LINGO2: variants seen among roughly 807,000 people sequenced by gnomAD.
The protein encoded by LINGO2 is leucine rich repeat and Ig domain containing 2.
In LINGO2, 14 loss-of-function variants were observed where a neutral mutation model predicts 30.6. The observed-to-expected ratio is 0.46, with a 90% CI of 0.30 to 0.72. The LOEUF is 0.72. Ranked by LOEUF, LINGO2 falls within the 30% of genes least tolerant of loss-of-function variation. The pLI, the probability that LINGO2 is intolerant of heterozygous loss-of-function variation, is 0.07. For missense variants in LINGO2, 729 were observed against 751.7 expected, an observed-to-expected ratio of 0.97 and a Z score of 0.35; for synonymous variants, 317 against 288.5, an observed-to-expected ratio of 1.10 and a Z score of -1.00.
chr9:29,013,405 G>C, the LINGO2 span, among the ~76,000 whole-genome samples: 77 of 151,144 alleles, frequency 5.1e-4, no homozygotes, highest in African/African-American at 1.8e-3. Flanking sequence ...TTTTTTCATG[G>C]CTCACTTTAT....
At chr9:28,548,136 A>C (rs1008319307) in intron 1 of LINGO2, among the ~76,000 whole-genome samples, 1 of 152,228 alleles carries the variant, frequency 6.6e-6, no homozygotes, top group Middle Eastern at 3.4e-3. Context: ...AACCGTAATA[A>C]GCCTGCCAGA....
chr9:28,175,500 T>C (rs1401111465), intron 4 of LINGO2, among the ~76,000 whole-genome samples: 4 of 152,162 alleles, frequency 2.6e-5, no homozygotes, highest in South Asian at 2.1e-4. Flanking sequence ...GACAATTGAA[T>C]ACAACATCCT....
intron 2 of LINGO2, among the ~76,000 whole-genome samples, chr9:28,419,646 A>G (rs747860121): frequency 2.6e-5 from 4 of 152,026 alleles, no homozygotes; most frequent in Non-Finnish European, 4.4e-5. Context: ...TCTATTTTAC[A>G]GTTCTGAAAT....
chr9:28,889,082 TCAAA>T, the LINGO2 span: 1 of 366,016 alleles, frequency 2.7e-6, no homozygotes, highest in Non-Finnish European at 5.5e-6. Context: ...GTGATTCTTT[TCAAA>T]CAGTTTTGTG....
intron 1 of LINGO2, among the ~76,000 whole-genome samples, chr9:28,486,041 C>G (rs558103604): frequency 6.6e-6 from 1 of 152,080 alleles, no homozygotes; most frequent in African/African-American, 2.4e-5. Flanking sequence ...GAATGACTAA[C>G]TTTTTGGTAG....
At chr9:29,200,532 T>C in the LINGO2 span, among the ~76,000 whole-genome samples, 1 of 152,134 alleles carries the variant, frequency 6.6e-6, no homozygotes, top group East Asian at 1.9e-4. Context: ...TATGTTTTAA[T>C]TTTAAAAAGA....
the LINGO2 span, among the ~76,000 whole-genome samples, chr9:29,009,287 A>G: frequency 6.6e-5 from 10 of 152,194 alleles, no homozygotes; most frequent in African/African-American, 2.4e-4. Flanking sequence ...AGAGAACCCC[A>G]TTGTCTCAGC....
intron 4 of LINGO2, among the ~76,000 whole-genome samples, 186 bp downstream of exon 6, chr9:28,295,022 A>C (rs1470318789): frequency 6.6e-6 from 1 of 152,144 alleles, no homozygotes; most frequent in Non-Finnish European, 1.5e-5. Flanking sequence ...TCTCCTCTTG[A>C]GAGTAAAGGG....
chr9:29,048,320 C>CA, the LINGO2 span, among the ~76,000 whole-genome samples: 25,145 of 148,606 alleles, frequency 0.17, 2,228 homozygotes, highest in East Asian at 0.34. Flanking sequence ...AAGAGGACAC[C>CA]AAAAAAAAGA....
intron 4 of LINGO2, among the ~76,000 whole-genome samples, chr9:28,030,278 TGA>T (rs1465421756): frequency 6.6e-6 from 1 of 152,208 alleles, no homozygotes; most frequent in Non-Finnish European, 1.5e-5. Flanking sequence ...TCTGAGATTC[TGA>T]GATAGCAAAG....
At chr9:29,200,495 A>T in the LINGO2 span, among the ~76,000 whole-genome samples, 1 of 152,112 alleles carries the variant, frequency 6.6e-6, no homozygotes, top group Admixed American at 6.6e-5. Context: ...AAATGAGTAA[A>T]ATATTGTTTG....
chr9:28,784,960 A>T, the LINGO2 span, among the ~76,000 whole-genome samples: 1 of 151,088 alleles, frequency 6.6e-6, no homozygotes, highest in Non-Finnish European at 1.5e-5. Context: ...AAAAAAAAAA[A>T]AGAATTGCAA....
chr9:28,576,761 T>A (rs7031710), intron 1 of LINGO2, among the ~76,000 whole-genome samples: 1 of 151,892 alleles, frequency 6.6e-6, no homozygotes. Flanking sequence ...ATTACATGAG[T>A]ATGTTCTTCA....
chr9:28,622,535 A>G (rs987207241), intron 1 of LINGO2, among the ~76,000 whole-genome samples: 10 of 151,912 alleles, frequency 6.6e-5, no homozygotes, highest in African/African-American at 1.9e-4. Flanking sequence ...CTCATTATTT[A>G]TTTGTAACTG....
At chr9:28,695,847 A>G in the LINGO2 span, among the ~76,000 whole-genome samples, 961 of 151,976 alleles carry the variant, frequency 6.3e-3, 23 homozygotes, top group Admixed American at 0.035. Flanking sequence ...AGATAAAAGC[A>G]TAACTTCCCC....
chr9:28,296,086 G>T (rs80210815), intron 3 of LINGO2, among the ~76,000 whole-genome samples: 3,708 of 152,256 alleles, frequency 0.024, 139 homozygotes, highest in African/African-American at 0.084. Flanking sequence ...TAATTTGGGG[G>T]CAATGTACCA....
the LINGO2 span, among the ~76,000 whole-genome samples, chr9:29,118,995 A>G: frequency 1.3e-5 from 2 of 152,138 alleles, no homozygotes; most frequent in Non-Finnish European, 1.5e-5. Flanking sequence ...AGTCCTGCTC[A>G]TGAAACCCAG....
At chr9:28,493,410 C>T (rs1334541708) in intron 1 of LINGO2, among the ~76,000 whole-genome samples, 1 of 152,114 alleles carries the variant, frequency 6.6e-6, no homozygotes, top group African/African-American at 2.4e-5. Flanking sequence ...ATTCAGTAGG[C>T]ATTCAGCTAA....
At chr9:28,651,720 T>A (rs1414696899) in intron 1 of LINGO2, among the ~76,000 whole-genome samples, 1 of 152,194 alleles carries the variant, frequency 6.6e-6, no homozygotes, top group Non-Finnish European at 1.5e-5. Flanking sequence ...TTCTAACATT[T>A]GTAATGGGCC....
Sources: gnomAD v4.1 joint callset for allele counts (sites outside exome capture counted in the v4.1 genomes callset) on GRCh38, gnomAD v4.1.1 for gene constraint, MANE v1.5 for transcripts, NCBI Gene and HGNC (gene_info 2026-07-23, HGNC 2026-07-21) for gene names.